Variants in KIF14 observed in about 807,000 individuals in gnomAD.
KIF14 encodes kinesin-like protein KIF14.
A neutral mutation model predicts 176.2 loss-of-function variants in KIF14; 98 were observed. The observed-to-expected ratio is 0.56, with a 90% CI of 0.47 to 0.66. The LOEUF (loss-of-function observed/expected upper bound fraction) is 0.66, where lower values mean the gene tolerates loss of function less well. KIF14 is among the 30% of genes least tolerant of loss of function. KIF14 has a pLI of 0.00. For synonymous variants in KIF14, 566 were observed against 632.2 expected (o/e 0.90, Z 1.57); for missense variants, 1,751 against 1,920.4 (o/e 0.91, Z 1.65).
chr1:200,607,550 A>T (rs1659942420), intron 5 of KIF14, among the ~76,000 whole-genome samples: 1 of 152,030 alleles, frequency 6.6e-6, no homozygotes, highest in African/African-American at 2.4e-5. Context: ...AGACATTAAA[A>T]TTTTTCTTTA....
chr1:200,619,448 A>T (rs931480657), intron 1 of KIF14, among the ~76,000 whole-genome samples: 2 of 151,970 alleles, frequency 1.3e-5, no homozygotes, highest in African/African-American at 4.8e-5. Context: ...CTCCTCCTGT[A>T]TTCAAGCAAA....
chr1:200,568,173 G>T (rs1657574375), intron 23 of KIF14, among the ~76,000 whole-genome samples: 3 of 152,138 alleles, frequency 2.0e-5, no homozygotes, highest in South Asian at 4.1e-4. Flanking sequence ...CCCAGACGGG[G>T]TCCTACTAAG....
Position 200,618,230 on chromosome 1 carries a change from C to T in KIF14, c.494G>A (p.Arg165Lys), listed in dbSNP as rs984260122. Residue 165 changes from arginine (R) to lysine (K), a missense_variant, in exon 2 of 30, where the codon AGG (arginine) becomes AAG (lysine). Coordinates refer to ENST00000367350, the MANE Select transcript of KIF14 (RefSeq NM_014875.3). ...AGAGTTTTTAGCATTATTTACAATC[C>T]TTACATTTGTTCTACTTTCCTTAGA... ...GVSKESRTNV[R>K]IVNNAKNSFV... 8.7e-6 allele frequency: 14 copies of T among 1,613,898 alleles called. No individual in the cohort carries two copies. Among genetic ancestry groups the T allele is most frequent in the Non-Finnish European group, 1.1e-5 (13 of 1,180,010 alleles).
At chr1:200,567,762 C>T (rs1571472766) in intron 23 of KIF14, among the ~76,000 whole-genome samples, 2 of 149,432 alleles carry the variant, frequency 1.3e-5, no homozygotes, top group African/African-American at 4.9e-5. Flanking sequence ...TGCTTAAAAG[C>T]AGCAAACTAA....
intron 13 of KIF14, 109 bp downstream of exon 13, chr1:200,599,941 A>G (rs1659542096): frequency 1.5e-6 from 1 of 670,004 alleles, no homozygotes; most frequent in East Asian, 2.7e-5. Context: ...GAGTCAGTAT[A>G]TAGTAAGTAT....
In KIF14 at chr1:200,553,274, C is replaced by CT; in HGVS notation, c.*113dup. 2.6e-6 allele frequency: 3 copies of CT among 1,138,258 alleles called. No individual in the cohort carries two copies. Among genetic ancestry groups the CT allele is most frequent in the South Asian group, 1.8e-5 (1 of 54,262 alleles). 70.5% of individuals were successfully genotyped at this position (1,138,258 alleles called of 1,614,324 possible). On this transcript the variant is annotated 3_prime_UTR_variant, in exon 30 of 30. Coordinates refer to ENST00000367350, the MANE Select transcript of KIF14 (RefSeq NM_014875.3). ...TATTTTAAAGATAAAAAGACATGGA[C>CT]TTTTTTGAAATATCTGTGCTGATTT...
chr1:200,589,353 C>T lies in KIF14; in HGVS notation c.2978G>A (p.Arg993Lys), dbSNP rs775585800. ...GTTATTTATTTCCTGCATTTTTTTC[C>T]TTTGAGACTCTTCTCTCTTTAAAGA... ...LEAELREESQRKKMQEINNQK... is the reference protein window; with the variant it reads ...LEAELREESQKKKMQEINNQK... Residue 993 changes from arginine (R) to lysine (K), a missense_variant, in exon 18 of 30, where the codon AGG (arginine) becomes AAG (lysine). Arg to Lys is a conservative substitution (Grantham distance 26). Transcript: ENST00000367350. 7.5e-5 allele frequency: 120 copies of T among 1,604,030 alleles called. 1 individual carries two copies. In the South Asian group the frequency reaches 1.3e-3, roughly 17 times the overall value.
chr1:200,618,690 T>C lies in KIF14; in HGVS notation c.34A>G (p.Ser12Gly). The C allele has an allele frequency of 6.2e-7, 1 of 1,611,398 alleles. No individual in the cohort carries two copies. The highest frequency in any genetic ancestry group is 8.5e-7 in the Non-Finnish European group (1 of 1,179,518). Residue 12 changes from serine to glycine, a missense_variant, in exon 2 of 30, where the codon AGC becomes GGC. Coordinates refer to ENST00000367350, the MANE Select transcript of KIF14 (RefSeq NM_014875.3). ...GAAGGAATATCAAGAATATCACCGC[T>C]GTTATTTCTATTATGAGTACTGTGT... Reference protein sequence around the residue: ...SLHSTHNRNNSGDILDIPSSQ... With the variant: ...SLHSTHNRNNGGDILDIPSSQ...
At chr1:200,583,935 G>T (rs1025738854) in intron 19 of KIF14, among the ~76,000 whole-genome samples, 11 of 140,554 alleles carry the variant, frequency 7.8e-5, no homozygotes, top group African/African-American at 2.9e-4. Context: ...ACAACAAAAA[G>T]ACTTTAAAAA....
chr1:200,565,186 T>C lies in KIF14; in HGVS notation c.3954A>G (p.Val1318=). The part of the protein sequence containing the change: ...IQTACAFEQL[V]VLMKHWLSDL... Reference sequence around the variant, plus strand: ...CACTCAGCCAGTGTTTCATTAGCACTACTAGCTGCTCAAAAGCACATGCAG... The same window carrying C: ...CACTCAGCCAGTGTTTCATTAGCACCACTAGCTGCTCAAAAGCACATGCAG... The change falls in exon 25 of 30, where the codon GTA becomes GTG. Residue 1318 remains valine, a synonymous_variant. Coordinates refer to ENST00000367350, the MANE Select transcript of KIF14 (RefSeq NM_014875.3). 1 of 1,613,846 alleles carries C rather than the reference T, an allele frequency of 6.2e-7. No homozygotes were observed. The highest frequency in any genetic ancestry group is 2.2e-5 in the East Asian group (1 of 44,862).
At chr1:200,592,014 A>C in intron 16 of KIF14, 66 bp downstream of exon 16, 1 of 1,345,228 alleles carries the variant, frequency 7.4e-7, no homozygotes. Flanking sequence ...AGACTGGCAC[A>C]ATGTGATTAA....
chr1:200,559,314 C>A lies in KIF14; in HGVS notation c.4353+16G>T, dbSNP rs1413565794. The A allele has an allele frequency of 6.5e-7, 1 of 1,529,852 alleles. No individual in the cohort carries two copies. Among genetic ancestry groups the A allele is most frequent in the Non-Finnish European group, 8.8e-7 (1 of 1,138,592 alleles). The allele number at this position is 1,529,852 out of a possible 1,614,324, so 94.8% of individuals were successfully genotyped here. The stretch of plus-strand genomic sequence containing the variant: ...ATTATTTAGTACTGTACAGAATATT[C>A]TTTTATTCATCTTACCTCATTTTTT... On this transcript the variant is annotated intron_variant, in intron 27 of 29. Transcript: ENST00000367350.
chr1:200,562,225 G>A (rs1382534626), intron 25 of KIF14, among the ~76,000 whole-genome samples: 9 of 152,106 alleles, frequency 5.9e-5, no homozygotes, highest in Admixed American at 2.0e-4. Flanking sequence ...CCTCCAAGTC[G>A]CCTGGTCTCT....
chr1:200,595,799 C>T (rs1202605297), intron 14 of KIF14, among the ~76,000 whole-genome samples: 1 of 150,522 alleles, frequency 6.6e-6, no homozygotes, highest in Admixed American at 6.6e-5. Context: ...ATACAAAAAA[C>T]TAGCTGGGCA....
intron 27 of KIF14, among the ~76,000 whole-genome samples, chr1:200,557,291 C>T (rs1354870273): frequency 6.6e-6 from 1 of 152,072 alleles, no homozygotes; most frequent in African/African-American, 2.4e-5. Flanking sequence ...CATGAGCCAC[C>T]GCGCCCAGCC....
chr1:200,553,403 C>T lies in KIF14; in HGVS notation c.4932G>A (p.Arg1644=). 6.2e-7 allele frequency: 1 copy of T among 1,608,822 alleles called. No individual in the cohort carries two copies. Among genetic ancestry groups the T allele is most frequent in the South Asian group, 1.1e-5 (1 of 89,940 alleles). The change falls in exon 30 of 30, where the codon AGG becomes AGA. Residue 1644 remains arginine, a synonymous_variant. Coordinates refer to ENST00000367350, the MANE Select transcript of KIF14 (RefSeq NM_014875.3). ...ACATCAGTATTCACACCCACTGAAT[C>T]CTACTGGGTGTGCATTCCTCTGAGC... The part of the protein sequence containing the change: ...AVSSEECTPS[R]IQWV
chr1:200,593,714 T>C lies in KIF14; in HGVS notation c.2605A>G (p.Thr869Ala), dbSNP rs992960652. 18 of 1,612,896 alleles carry C rather than the reference T, an allele frequency of 1.1e-5. No individual in the cohort carries two copies. The highest frequency in any genetic ancestry group is 1.4e-5 in the Non-Finnish European group (17 of 1,179,276). ...VSIIPVGEAK[T>A]YVNGKHILEI... ...AAAATATGTTTTCCATTTACATATG[T>C]CTTTGCTTCCCCAACTGGGATAATA... Residue 869 changes from threonine to alanine, a missense_variant, in exon 15 of 30, where the codon ACA becomes GCA. By Grantham distance (58) the Thr-to-Ala change is moderately conservative. Transcript: ENST00000367350.
chr1:200,590,402 T>A, intron 16 of KIF14, 130 bp from the exon 17 acceptor site: 1 of 819,190 alleles, frequency 1.2e-6, no homozygotes, highest in Non-Finnish European at 1.8e-6. Flanking sequence ...TCTGACATTC[T>A]ATCAACAGTG....
chr1:200,575,801 G>T, intron 21 of KIF14, 110 bp from the exon 22 acceptor site: 1 of 505,038 alleles, frequency 2.0e-6, no homozygotes, highest in Non-Finnish European at 3.4e-6. Flanking sequence ...AAAATTAGCA[G>T]ATTATATATT....
Sources: allele counts gnomAD v4.1 joint callset (sites outside exome capture counted in the v4.1 genomes callset), GRCh38; gene constraint gnomAD v4.1.1; transcripts MANE v1.5; gene names NCBI Gene and HGNC (gene_info 2026-07-23, HGNC 2026-07-21).